The following TRDN variants were observed in gnomAD, a reference collection of about 807,000 sequenced individuals.
TRDN encodes the protein triadin in skeletal muscle.
Under a neutral mutation model 149.7 loss-of-function variants are expected in TRDN, and 161 were observed. That is an observed-to-expected ratio of 1.08 (90% CI 0.95 to 1.23). TRDN has a LOEUF of 1.23. Ranked by LOEUF, TRDN falls within the 50% of genes most tolerant of loss-of-function variation. The pLI, the probability that TRDN is intolerant of heterozygous loss-of-function variation, is 0.00. For synonymous variants in TRDN, 294 were observed against 250.5 expected (o/e 1.17, Z -1.64); for missense variants, 896 against 823.5 (o/e 1.09, Z -1.08).
rs1465337086 is a variant in TRDN at position 123,503,525 on chromosome 6, C to T, written c.793+194G>A. On this transcript the variant is annotated intron_variant, in intron 8 of 40. Transcript: ENST00000334268. ...CAAAATGCCCCTTTAGATCTGTGAA[C>T]ACATTTTAGTATTTTTATAAATAAA... The T allele has an allele frequency of 6.4e-6, 9 of 1,417,098 alleles. No individual in the cohort carries two copies. In the East Asian group the frequency reaches 2.3e-4, roughly 36 times the overall value. The allele number at this position is 1,417,098 out of a possible 1,614,324, so 87.8% of individuals were successfully genotyped here. A position where few individuals can be genotyped will look rare whatever the true frequency, so the allele number is the denominator to read the frequency against.
intron 16 of TRDN, among the ~76,000 whole-genome samples, chr6:123,378,356 T>C (rs183389436): frequency 1.2e-4 from 19 of 152,272 alleles, no homozygotes; most frequent in African/African-American, 4.6e-4. Flanking sequence ...TCTAGTTCAC[T>C]GCAGCCTCCA....
chr6:123,245,500 G>C (rs1776139337), intron 38 of TRDN, among the ~76,000 whole-genome samples: 1 of 152,050 alleles, frequency 6.6e-6, no homozygotes, highest in Non-Finnish European at 1.5e-5. Context: ...GACAAAGGAG[G>C]GCATTACATA....
chr6:123,629,646 A>G (rs1785872484), intron 1 of TRDN, among the ~76,000 whole-genome samples: 1 of 152,118 alleles, frequency 6.6e-6, no homozygotes, highest in Admixed American at 6.6e-5. Flanking sequence ...ATATATTTAA[A>G]TGTAATATTT....
At chr6:123,239,591 C>A (rs75050574) in intron 38 of TRDN, among the ~76,000 whole-genome samples, 2,656 of 152,018 alleles carry the variant, frequency 0.017, 73 homozygotes, top group African/African-American at 0.06. Flanking sequence ...ATAAGAATAA[C>A]GTCAGTAATT....
intron 24 of TRDN, among the ~76,000 whole-genome samples, chr6:123,289,037 G>A (rs2195728): frequency 0.016 from 2,303 of 144,666 alleles, 55 homozygotes; most frequent in African/African-American, 0.051. Context: ...GTGTGTGTGT[G>A]TATATATATA....
At chr6:123,296,310 G>C (rs1297692321) in intron 24 of TRDN, among the ~76,000 whole-genome samples, 1 of 152,090 alleles carries the variant, frequency 6.6e-6, no homozygotes, top group African/African-American at 2.4e-5. Flanking sequence ...ATCTTAGCCA[G>C]AAAGAACCAT....
chr6:123,625,029 A>C (rs1345639694), intron 1 of TRDN, among the ~76,000 whole-genome samples: 3 of 151,092 alleles, frequency 2.0e-5, no homozygotes, highest in Non-Finnish European at 4.4e-5. Context: ...CCAGGGCTAC[A>C]TCCCACAGAC....
chr6:123,375,724 G>A, intron 18 of TRDN, 93 bp from the exon 19 acceptor site: 2 of 1,055,260 alleles, frequency 1.9e-6, no homozygotes, highest in Non-Finnish European at 2.7e-6. Context: ...ATTGTTTAAA[G>A]ATTGTGTGTA....
At chr6:123,532,684 C>T (rs975067170) in intron 4 of TRDN, among the ~76,000 whole-genome samples, 6 of 151,918 alleles carry the variant, frequency 3.9e-5, no homozygotes, top group African/African-American at 1.2e-4. Context: ...TAATCTTCTA[C>T]TGGTTCTACT....
chr6:123,499,719 A>AAAAAAAT, intron 8 of TRDN, among the ~76,000 whole-genome samples: 936 of 47,450 alleles, frequency 0.02, 61 homozygotes, highest in East Asian at 0.088. Flanking sequence ...AAAAAAAAAA[A>AAAAAAAT]ATATATATAT....
rs1270337633 is a variant in TRDN, at chr6:123,267,824, A to G, written c.1739-73T>C. 20 of 1,233,316 alleles carry G rather than the reference A, an allele frequency of 1.6e-5. No homozygotes were observed. The East Asian group carries it at 5.4e-4, about 33-fold the overall frequency. The allele number at this position is 1,233,316 out of a possible 1,614,324, so 76.4% of individuals were successfully genotyped here. A position where few individuals can be genotyped will look rare whatever the true frequency, so the allele number is the denominator to read the frequency against. On this transcript the variant is annotated intron_variant, in intron 31 of 40. Transcript: ENST00000334268. ...AAATATTTCTTATTTATATATTTGC[A>G]AGTGATCCTCAGTTTACCCAAGAGG...
intron 10 of TRDN, among the ~76,000 whole-genome samples, chr6:123,452,353 G>T (rs1368178835): frequency 6.6e-6 from 1 of 152,056 alleles, no homozygotes; most frequent in African/African-American, 2.4e-5. Flanking sequence ...AAAACCTAAA[G>T]ACTCCTCTAG....
Position 123,218,436 on chromosome 6 carries a change from A to C in TRDN, c.*165T>G. The C allele has an allele frequency of 1.4e-6, 1 of 690,510 alleles. No individual in the cohort carries two copies. Among genetic ancestry groups the C allele is most frequent in the South Asian group, 2.0e-5 (1 of 49,742 alleles). The allele number at this position is 690,510 out of a possible 1,614,324, so 42.8% of individuals were successfully genotyped here. A position where few individuals can be genotyped will look rare whatever the true frequency, so the allele number is the denominator to read the frequency against. On this transcript the variant is annotated 3_prime_UTR_variant, in exon 41 of 41. Coordinates refer to ENST00000334268, the MANE Select transcript of TRDN (RefSeq NM_006073.4). ...CTTAGACCCTTAAACATGTCTGCTC[A>C]TCACTCAATCCATTTGGCCACCCTT...
intron 25 of TRDN, among the ~76,000 whole-genome samples, chr6:123,278,755 T>C (rs1023880122): frequency 6.6e-6 from 1 of 152,104 alleles, no homozygotes; most frequent in African/African-American, 2.4e-5. Flanking sequence ...GGCAACAGAG[T>C]GAGACTCTGT....
At chr6:123,525,894 T>C (rs1038425548) in intron 5 of TRDN, among the ~76,000 whole-genome samples, 1 of 152,054 alleles carries the variant, frequency 6.6e-6, no homozygotes, top group African/African-American at 2.4e-5. Context: ...GGCCAAATAA[T>C]GGCCCTCTAA....
At chr6:123,531,664 C>T (rs956860031) in intron 4 of TRDN, among the ~76,000 whole-genome samples, 9 of 152,002 alleles carry the variant, frequency 5.9e-5, no homozygotes, top group African/African-American at 2.2e-4. Context: ...AAGATATGAA[C>T]AGGTAAGGCA....
intron 38 of TRDN, among the ~76,000 whole-genome samples, chr6:123,247,251 AG>A (rs773197743): frequency 9.2e-5 from 14 of 152,216 alleles, no homozygotes; most frequent in Non-Finnish European, 1.9e-4. Context: ...AGTTCTAACC[AG>A]GGCAATCAGG....
At chr6:123,330,781 T>C (rs907915701) in intron 23 of TRDN, among the ~76,000 whole-genome samples, 1 of 152,096 alleles carries the variant, frequency 6.6e-6, no homozygotes, top group Non-Finnish European at 1.5e-5. Flanking sequence ...TATACATTGC[T>C]ACACTCACTA....
At chr6:123,368,284 C>G (rs759327968) in intron 19 of TRDN, among the ~76,000 whole-genome samples, 4 of 152,222 alleles carry the variant, frequency 2.6e-5, no homozygotes, top group Non-Finnish European at 5.9e-5. Context: ...GCACCACTCT[C>G]TACTCCTCTT....
Sources: allele counts gnomAD v4.1 joint callset (sites outside exome capture counted in the v4.1 genomes callset), GRCh38; gene constraint gnomAD v4.1.1; transcripts MANE v1.5; gene names NCBI Gene and HGNC (gene_info 2026-07-23, HGNC 2026-07-21).